Variants in IP6K2 observed in about 807,000 individuals in gnomAD.
IP6K2 encodes the protein ATP:1D-myo-inositol-hexakisphosphate phosphotransferase.
IP6K2 carries 9 observed loss-of-function variants against 43.3 expected under a neutral mutation model. That is an observed-to-expected ratio of 0.21 (90% CI 0.13 to 0.36). The LOEUF (loss-of-function observed/expected upper bound fraction) is 0.36. Ranked by LOEUF, IP6K2 falls within the 10% of genes least tolerant of loss-of-function variation. The pLI is 1.00. For missense variants in IP6K2, 332 were observed against 538.4 expected (o/e 0.62, Z 3.79); for synonymous variants, 209 against 202.4 (o/e 1.03, Z -0.28).
In IP6K2 at chr3:48,691,318, C is replaced by T. The variant is rs899241525; in HGVS notation, c.593G>A (p.Arg198Gln). ...LQRMKENAKH[R>Q]NQYKFILLEN... Reference sequence around the variant, plus strand: ...TGAACAAAGGATACTGTACTGGTTCCGATGCTTTGCATTCTCCTTCATTCT... The same window carrying T: ...TGAACAAAGGATACTGTACTGGTTCTGATGCTTTGCATTCTCCTTCATTCT... Residue 198 changes from arginine to glutamine, a missense_variant, in exon 4 of 6, where the codon CGG becomes CAG. By Grantham distance (43) the Arg-to-Gln change is conservative. Coordinates refer to ENST00000328631, the MANE Select transcript of IP6K2 (RefSeq NM_016291.4). 6.2e-6 allele frequency: 10 copies of T among 1,613,108 alleles called. No individual in the cohort carries two copies. The highest frequency in any genetic ancestry group is 1.7e-5 in the Admixed American group (1 of 59,928).
At chr3:48,711,027 GCCT>G (rs2080450051) in intron 1 of IP6K2, among the ~76,000 whole-genome samples, 2 of 152,094 alleles carry the variant, frequency 1.3e-5, no homozygotes, top group Admixed American at 1.3e-4. Context: ...TCCCATCTCA[GCCT>G]CCCAAGTAGC....
At chr3:48,693,416 A>T in intron 2 of IP6K2, 1 of 1,331,140 alleles carries the variant, frequency 7.5e-7, no homozygotes, top group Non-Finnish European at 1.0e-6. Context: ...GATGTACTCA[A>T]CGAGGCAAGA....
chr3:48,688,850 T>G lies in IP6K2; in HGVS notation c.781-77A>C, dbSNP rs2077538075. 387 of 1,479,206 alleles carry G rather than the reference T, an allele frequency of 2.6e-4. No individual in the cohort carries two copies. The highest frequency in any genetic ancestry group is 3.2e-4 in the Non-Finnish European group (355 of 1,099,870). 91.6% of individuals were successfully genotyped at this position (1,479,206 alleles called of 1,614,324 possible). On this transcript the variant is annotated intron_variant, in intron 5 of 5. Coordinates refer to ENST00000328631, the MANE Select transcript of IP6K2 (RefSeq NM_016291.4). The surrounding 1 kb of genome is among the most constrained non-coding windows in gnomAD (Gnocchi z 5.1). Reference sequence around the variant, plus strand: ...GACCCCGGGCGGGGGTGGGGTGGTGTGGTGGTGGCGGCATGTGACAGCCCA... The same window carrying G: ...GACCCCGGGCGGGGGTGGGGTGGTGGGGTGGTGGCGGCATGTGACAGCCCA...
chr3:48,694,584 T>C, intron 2 of IP6K2: 1 of 1,523,892 alleles, frequency 6.6e-7, no homozygotes, highest in East Asian at 2.5e-5. Context: ...GAAGGGTTGC[T>C]TTCATATAGC....
At chr3:48,705,615 T>G (rs1004879024) in intron 1 of IP6K2, among the ~76,000 whole-genome samples, 12 of 150,432 alleles carry the variant, frequency 8.0e-5, no homozygotes, top group African/African-American at 2.7e-4. Flanking sequence ...ATCATGCCAC[T>G]GCACTCCAGC....
At chr3:48,689,012 G>A (rs887024369) in intron 5 of IP6K2, among the ~76,000 whole-genome samples, 1 of 152,246 alleles carries the variant, frequency 6.6e-6, no homozygotes, top group Non-Finnish European at 1.5e-5. Flanking sequence ...TGGGTCACTG[G>A]AGAGGACCAA....
intron 1 of IP6K2, among the ~76,000 whole-genome samples, chr3:48,700,292 G>C (rs1416873765): frequency 1.3e-5 from 2 of 151,648 alleles, no homozygotes; most frequent in Non-Finnish European, 1.5e-5. Flanking sequence ...AACTACACCA[G>C]AAGAAAGAAA....
At chr3:48,711,166 C>T (rs956075304) in intron 1 of IP6K2, among the ~76,000 whole-genome samples, 1 of 152,190 alleles carries the variant, frequency 6.6e-6, no homozygotes, top group Non-Finnish European at 1.5e-5. Flanking sequence ...CTACCTCAGC[C>T]TCCTGAAGTG....
chr3:48,700,967 T>A (rs1358136088), intron 1 of IP6K2, among the ~76,000 whole-genome samples: 1 of 152,246 alleles, frequency 6.6e-6, no homozygotes, highest in Non-Finnish European at 1.5e-5. Context: ...CATACATTGC[T>A]GGTAGCAATG....
chr3:48,693,471 A>C, intron 2 of IP6K2: 1 of 1,334,482 alleles, frequency 7.5e-7, no homozygotes. Context: ...GAAAATGTTT[A>C]TTAATTTTTA....
At chr3:48,692,785 G>GT (rs1444039275) in intron 3 of IP6K2, among the ~76,000 whole-genome samples, 169 bp downstream of exon 3, 3 of 152,244 alleles carry the variant, frequency 2.0e-5, no homozygotes, top group African/African-American at 7.2e-5. Flanking sequence ...TCTAACCAGA[G>GT]TCAATTAAAC....
At chr3:48,704,542 C>T (rs1206596518) in intron 1 of IP6K2, among the ~76,000 whole-genome samples, 1 of 151,598 alleles carries the variant, frequency 6.6e-6, no homozygotes, top group Non-Finnish European at 1.5e-5. Context: ...AATCTCAGCT[C>T]ACCACAGCCT....
intron 2 of IP6K2, chr3:48,693,622 C>T: frequency 2.6e-6 from 3 of 1,145,290 alleles, no homozygotes; most frequent in South Asian, 4.0e-5. Flanking sequence ...ACAGGTTTGC[C>T]TGAGGGTTAA....
At chr3:48,716,603 T>G (rs758758945) in intron 1 of IP6K2, 6 of 152,196 alleles carry the variant, frequency 3.9e-5, no homozygotes, top group Non-Finnish European at 8.8e-5. Flanking sequence ...ATAATAAGGT[T>G]AAGTGTGTAG....
chr3:48,693,397 T>G (rs925323201), intron 2 of IP6K2: 1 of 1,229,960 alleles, frequency 8.1e-7, no homozygotes, highest in Admixed American at 1.9e-5. Context: ...GCTGAGAGTC[T>G]TCCTCTCTGA....
chr3:48,707,772 A>G (rs1265466219), intron 1 of IP6K2, among the ~76,000 whole-genome samples: 1 of 152,122 alleles, frequency 6.6e-6, no homozygotes, highest in East Asian at 1.9e-4. Context: ...CACAGATTTT[A>G]ACTGGAGTGA....
At chr3:48,708,582 T>C (rs1454515465) in intron 1 of IP6K2, among the ~76,000 whole-genome samples, 2 of 124,478 alleles carry the variant, frequency 1.6e-5, no homozygotes, top group Non-Finnish European at 3.5e-5. Context: ...AATTTTCAGT[T>C]CTGTTGTAAA....
chr3:48,705,474 C>G (rs1045820820), intron 1 of IP6K2, among the ~76,000 whole-genome samples: 1 of 151,584 alleles, frequency 6.6e-6, no homozygotes, highest in African/African-American at 2.4e-5. Context: ...GTCAAGAGAT[C>G]GAGACCAGAC....
chr3:48,715,037 A>T (rs2081039566), intron 1 of IP6K2, among the ~76,000 whole-genome samples: 1 of 152,158 alleles, frequency 6.6e-6, no homozygotes, highest in South Asian at 2.1e-4. Flanking sequence ...TTTGGAGAGA[A>T]GGACATTTCC....
Sources: gnomAD v4.1 joint callset for allele counts (sites outside exome capture counted in the v4.1 genomes callset) on GRCh38, gnomAD v4.1.1 for gene constraint, Gnocchi (gnomAD v3.1) non-coding constraint, MANE v1.5 for transcripts, NCBI Gene and HGNC (gene_info 2026-07-23, HGNC 2026-07-21) for gene names.